The following EXOC4 variants were observed in gnomAD, a reference collection of about 807,000 sequenced individuals.
EXOC4 encodes exocyst complex component 4, also known as SEC8-like 1.
A neutral mutation model predicts 107.2 loss-of-function variants in EXOC4; 71 were observed. The ratio of observed to expected loss-of-function variants is 0.66; its 90% confidence interval spans 0.55 to 0.81. The LOEUF (loss-of-function observed/expected upper bound fraction) is 0.81, where lower values mean the gene tolerates loss of function less well. EXOC4 is among the 30% of genes least tolerant of loss of function. The probability of loss-of-function intolerance (pLI) is 0.00; values close to 1 mark genes in which losing one functional copy is unlikely to be tolerated. For synonymous variants in EXOC4, 456 were observed against 441.2 expected (o/e 1.03, Z -0.42); for missense variants, 1,108 against 1,189.6 (o/e 0.93, Z 1.01).
intron 10 of EXOC4, among the ~76,000 whole-genome samples, chr7:133,806,526 A>G (rs568981083): frequency 2.6e-5 from 4 of 152,214 alleles, no homozygotes; most frequent in Admixed American, 6.5e-5. Flanking sequence ...GCTTATATTT[A>G]GTAATATTAT....
At chr7:133,920,592 C>T (rs1006670560) in intron 13 of EXOC4, among the ~76,000 whole-genome samples, 4 of 152,196 alleles carry the variant, frequency 2.6e-5, no homozygotes, top group Admixed American at 2.6e-4. Flanking sequence ...CCCAATTCTT[C>T]CTCCCTATCC....
At chr7:134,086,970 C>T in the EXOC4 span, among the ~76,000 whole-genome samples, 1 of 152,126 alleles carries the variant, frequency 6.6e-6, no homozygotes, top group African/African-American at 2.4e-5. Flanking sequence ...GACCAGAAGT[C>T]ACTCTTCATG....
chr7:133,852,661 A>G (rs1430090835), intron 11 of EXOC4, among the ~76,000 whole-genome samples: 1 of 152,212 alleles, frequency 6.6e-6, no homozygotes, highest in African/African-American at 2.4e-5. Flanking sequence ...AACCCAAGGG[A>G]TGATTGAAGT....
rs1478609075 is a variant in EXOC4, at chr7:133,953,191, T to TA, written c.2206+15124dup. ...GGCCAGGCACGGTGGCTCACACCTG[T>TA]AATCCCAGCACTTTGGGAAGCCAAG... On this transcript the variant is annotated intron_variant, in intron 14 of 17. Transcript: ENST00000253861. 5.9e-5 allele frequency among the ~76,000 whole-genome samples: 9 copies of TA among 152,212 alleles called. No individual in the cohort carries two copies. In the South Asian group the frequency reaches 1.9e-3, roughly 32 times the overall value.
At chr7:133,979,899 C>T (rs1485871433) in intron 14 of EXOC4, among the ~76,000 whole-genome samples, 1 of 152,130 alleles carries the variant, frequency 6.6e-6, no homozygotes, top group African/African-American at 2.4e-5. Flanking sequence ...ATGTTAAAAA[C>T]ACTGATTTAT....
intron 10 of EXOC4, among the ~76,000 whole-genome samples, chr7:133,714,943 TG>T (rs34006323): frequency 6.6e-6 from 1 of 152,124 alleles, no homozygotes; most frequent in Admixed American, 6.5e-5. Flanking sequence ...TGTGGTATGA[TG>T]GGGTAGGTTA....
intron 17 of EXOC4, among the ~76,000 whole-genome samples, chr7:134,035,500 TAGA>T (rs1405418513): frequency 6.6e-6 from 1 of 152,200 alleles, no homozygotes; most frequent in African/African-American, 2.4e-5. Context: ...CATAAAATAC[TAGA>T]AGAAGGAGAG....
chr7:133,795,283 A>G (rs1220490300), intron 10 of EXOC4, among the ~76,000 whole-genome samples: 1 of 152,114 alleles, frequency 6.6e-6, no homozygotes, highest in Non-Finnish European at 1.5e-5. Context: ...CAGCACACTA[A>G]TGTCTCCTTG....
intron 7 of EXOC4, among the ~76,000 whole-genome samples, chr7:133,379,058 T>G (rs1220809483): frequency 6.6e-6 from 1 of 152,170 alleles, no homozygotes; most frequent in African/African-American, 2.4e-5. Flanking sequence ...ATAAGAATAG[T>G]ACAAAGAGCC....
chr7:133,672,063 C>A (rs1793958374), intron 10 of EXOC4, among the ~76,000 whole-genome samples: 1 of 152,078 alleles, frequency 6.6e-6, no homozygotes, highest in Non-Finnish European at 1.5e-5. Flanking sequence ...AATATAATAG[C>A]CACTAGTCAT....
intron 6 of EXOC4, among the ~76,000 whole-genome samples, chr7:133,362,606 C>A (rs1796159877): frequency 1.3e-5 from 2 of 151,962 alleles, no homozygotes; most frequent in South Asian, 4.2e-4. Flanking sequence ...AATTTGGAGG[C>A]CAGAATTCAG....
intron 7 of EXOC4, among the ~76,000 whole-genome samples, chr7:133,415,924 C>T (rs1173585540): frequency 2.6e-5 from 4 of 151,906 alleles, no homozygotes; most frequent in South Asian, 2.1e-4. Context: ...ATCTGACAAA[C>T]GGGAAGTAAA....
intron 17 of EXOC4, among the ~76,000 whole-genome samples, chr7:134,040,413 G>A (rs1222397906): frequency 6.6e-6 from 1 of 151,932 alleles, no homozygotes; most frequent in Non-Finnish European, 1.5e-5. Flanking sequence ...CTTTATTCTG[G>A]CTGTTCTGAT....
chr7:133,280,753 G>A (rs1005612979), intron 2 of EXOC4, among the ~76,000 whole-genome samples: 1 of 152,042 alleles, frequency 6.6e-6, no homozygotes, highest in East Asian at 1.9e-4. Context: ...TTTTAAATGC[G>A]ATTATACCTT....
chr7:133,818,651 G>C (rs1284929240), intron 11 of EXOC4, among the ~76,000 whole-genome samples: 3 of 152,130 alleles, frequency 2.0e-5, no homozygotes, highest in African/African-American at 7.2e-5. Flanking sequence ...TGCAGAGAAG[G>C]GGGAATGCCA....
intron 3 of EXOC4, among the ~76,000 whole-genome samples, chr7:133,304,446 C>G (rs1040879445): frequency 1.3e-5 from 2 of 152,180 alleles, no homozygotes; most frequent in African/African-American, 4.8e-5. Context: ...GAGGGCAGAG[C>G]TGGCCCAGGG....
chr7:134,066,032 A>C (rs995432349), downstream of EXOC4: 5 of 152,176 alleles, frequency 3.3e-5, no homozygotes, highest in Non-Finnish European at 7.3e-5. Context: ...GAATGTAGTC[A>C]ATCTGTCTGG....
intron 10 of EXOC4, among the ~76,000 whole-genome samples, chr7:133,807,441 C>G (rs1242440484): frequency 1.3e-5 from 2 of 152,146 alleles, no homozygotes; most frequent in Non-Finnish European, 2.9e-5. Context: ...TCTCCTGTGT[C>G]TTGCATTAGA....
chr7:133,403,116 C>T (rs1010407151), intron 7 of EXOC4, among the ~76,000 whole-genome samples: 1 of 151,918 alleles, frequency 6.6e-6, no homozygotes, highest in African/African-American at 2.4e-5. Flanking sequence ...ATCTCCTGAC[C>T]TCGTGATCCA....
Sources: gnomAD v4.1 joint callset for allele counts (sites outside exome capture counted in the v4.1 genomes callset) on GRCh38, gnomAD v4.1.1 for gene constraint, MANE v1.5 for transcripts, NCBI Gene and HGNC (gene_info 2026-07-23, HGNC 2026-07-21) for gene names.